Variants in JPH1 observed in about 807,000 individuals in gnomAD.
JPH1 encodes junctophilin 1, also known as junctophilin-1.
Under a neutral mutation model 53.6 loss-of-function variants are expected in JPH1, and 12 were observed. The ratio of observed to expected loss-of-function variants is 0.22; its 90% CI spans 0.14 to 0.36. The LOEUF is 0.36. Among genes scored for constraint, JPH1 ranks in the 10% least tolerant of loss-of-function variants. JPH1 has a pLI of 1.00. For missense variants in JPH1, 808 were observed against 905.5 expected (o/e 0.89, Z 1.38); for synonymous variants, 375 against 363.8 (o/e 1.03, Z -0.35).
intron 3 of JPH1, 122 bp downstream of exon 3, chr8:74,259,263 G>A (rs1325626623): frequency 1.4e-6 from 1 of 729,612 alleles, no homozygotes; most frequent in Non-Finnish European, 2.3e-6. Context: ...GCCCTTGCTT[G>A]TTTTGTATAA....
rs73689717 is a variant in JPH1, at chr8:74,299,395, T to A, written c.1139+15466A>T. On this transcript the variant is annotated intron_variant, in intron 2 of 5. Transcript: ENST00000342232. ...TGCACACCACGAACTATAACCTAAA[T>A]GGAGTTGTATACAGATTGTAGCTTA... is the stretch of plus-strand genomic sequence containing the variant. Among the ~76,000 whole-genome samples, 551 of 152,292 alleles carry A rather than the reference T, an allele frequency of 3.6e-3. 5 individuals carry two copies. The highest frequency in any genetic ancestry group is 0.013 in the African/African-American group (534 of 41,564).
At chr8:74,277,002 C>A (rs1372095296) in intron 2 of JPH1, among the ~76,000 whole-genome samples, 1 of 152,308 alleles carries the variant, frequency 6.6e-6, no homozygotes, top group South Asian at 2.1e-4. Context: ...TAGTTTTTCA[C>A]ATTATTTTAC....
At chr8:74,285,977 A>C (rs904861306) in intron 2 of JPH1, among the ~76,000 whole-genome samples, 29 of 152,222 alleles carry the variant, frequency 1.9e-4, no homozygotes, top group African/African-American at 6.5e-4. Context: ...TAAAATTTTG[A>C]ACCATGAACA....
chr8:74,294,083 G>A (rs1304087730), intron 2 of JPH1, among the ~76,000 whole-genome samples: 2 of 152,166 alleles, frequency 1.3e-5, no homozygotes, highest in African/African-American at 4.8e-5. Flanking sequence ...CTGGTGGTGG[G>A]GGAAAATCCT....
chr8:74,256,595 C>A (rs368647389), intron 3 of JPH1, among the ~76,000 whole-genome samples: 2 of 150,636 alleles, frequency 1.3e-5, no homozygotes, highest in Non-Finnish European at 3.0e-5. Context: ...AACAAGTGGG[C>A]GAAGGATATG....
At chr8:74,275,977 C>T (rs1206756045) in intron 2 of JPH1, among the ~76,000 whole-genome samples, 5 of 152,118 alleles carry the variant, frequency 3.3e-5, no homozygotes, top group East Asian at 1.9e-4. Context: ...AATTATGGTT[C>T]GAATTTGATT....
chr8:74,246,808 C>T (rs1196818864), intron 3 of JPH1, among the ~76,000 whole-genome samples: 1 of 152,192 alleles, frequency 6.6e-6, no homozygotes, highest in African/African-American at 2.4e-5. Context: ...TTGTCAAGAT[C>T]GCACATGGAC....
chr8:74,306,413 C>A (rs1383481756), intron 2 of JPH1, among the ~76,000 whole-genome samples: 2 of 152,156 alleles, frequency 1.3e-5, no homozygotes, highest in South Asian at 2.1e-4. Context: ...GGCACCCCCC[C>A]TTTCTCCCAT....
At chr8:74,256,093 G>A (rs1387941927) in intron 3 of JPH1, among the ~76,000 whole-genome samples, 9 of 152,098 alleles carry the variant, frequency 5.9e-5, no homozygotes, top group Non-Finnish European at 1.3e-4. Context: ...ACATGCACAC[G>A]TATGTTTATT....
In JPH1 at chr8:74,275,603, A is replaced by C. The variant is rs577381605; in HGVS notation, c.1140-16100T>G. On this transcript the variant is annotated intron_variant, in intron 2 of 5. Coordinates refer to ENST00000342232, the MANE Select transcript of JPH1 (RefSeq NM_020647.4). ...CTTAAAGCCAGCATGACAACGAAAA[A>C]TGTGAGCGGCTCTTTCACCGTAACT... 5.1e-4 allele frequency among the ~76,000 whole-genome samples: 78 copies of C among 152,322 alleles called. No individual in the cohort carries two copies. In the South Asian group the frequency reaches 0.016, roughly 31 times the overall value.
In JPH1 at chr8:74,260,125, C is replaced by T. The variant is rs567476304; in HGVS notation, c.1140-622G>A. ...CAGCAGGAGCAAACCACAAGGCCCG[C>T]TCTAAGAACATGCTCAGAAGGGTTC... is the stretch of plus-strand genomic sequence containing the variant. On this transcript the variant is annotated intron_variant, in intron 2 of 5. Coordinates refer to ENST00000342232, the MANE Select transcript of JPH1 (RefSeq NM_020647.4). Among the ~76,000 whole-genome samples the T allele has an allele frequency of 9.8e-5, 15 of 152,320 alleles. No homozygotes were observed. In the East Asian group the frequency reaches 2.7e-3, roughly 27 times the overall value.
chr8:74,247,690 A>C (rs962840508), intron 3 of JPH1, among the ~76,000 whole-genome samples: 16 of 152,186 alleles, frequency 1.1e-4, no homozygotes, highest in Non-Finnish European at 2.1e-4. Context: ...TTCACTTAGA[A>C]GATGTAAGAC....
intron 2 of JPH1, among the ~76,000 whole-genome samples, chr8:74,309,291 T>C (rs1807923243): frequency 1.3e-5 from 2 of 151,750 alleles, no homozygotes; most frequent in African/African-American, 4.9e-5. Flanking sequence ...AAATGGAAGT[T>C]ACCTACTAAC....
chr8:74,321,443 C>G lies in JPH1; in HGVS notation c.-156G>C, dbSNP rs561748750. 4 of 633,696 alleles carry G rather than the reference C, an allele frequency of 6.3e-6. No homozygotes were observed. Among genetic ancestry groups the G allele is most frequent in the East Asian group, 3.5e-5 (1 of 28,816 alleles). 39.3% of individuals were successfully genotyped at this position (633,696 alleles called of 1,614,324 possible). ...CGCTCGGCTCCAGTCCGACGCCGCC[C>G]CCGTCCTCCCTCCTCTTTTGCCGCC... On this transcript the variant is annotated 5_prime_UTR_variant, in exon 1 of 6. Transcript: ENST00000342232. The surrounding 1 kb of genome is among the most constrained non-coding windows in gnomAD (Gnocchi z 4.3).
Position 74,320,843 on chromosome 8 carries a change from C to T in JPH1, c.379+66G>A. ...GCGCCCGGCGTCCTCCCCGCTTCCC[C>T]GCAGCCGGGGCAGAGCCCACCGCAC... On this transcript the variant is annotated intron_variant, in intron 1 of 5. Transcript: ENST00000342232. This position sits in a 1 kb window ranked among gnomAD's most constrained non-coding sequence, Gnocchi z 4.4. 1 of 1,426,244 alleles carries T rather than the reference C, an allele frequency of 7.0e-7. No individual in the cohort carries two copies. The highest frequency in any genetic ancestry group is 2.8e-5 in the East Asian group (1 of 35,678). The allele number at this position is 1,426,244 out of a possible 1,614,324, so 88.3% of individuals were successfully genotyped here. A position where few individuals can be genotyped will look rare whatever the true frequency, so the allele number is the denominator to read the frequency against.
chr8:74,301,770 T>C (rs1439376670), intron 2 of JPH1, among the ~76,000 whole-genome samples: 2 of 152,232 alleles, frequency 1.3e-5, no homozygotes, highest in Non-Finnish European at 2.9e-5. Context: ...GAATTTACCA[T>C]GTTATACTGA....
intron 2 of JPH1, among the ~76,000 whole-genome samples, chr8:74,291,244 C>G (rs189123214): frequency 1.3e-5 from 2 of 152,160 alleles, no homozygotes. Context: ...TGACAAAGGG[C>G]TAATATCCAG....
At chr8:74,288,964 C>G (rs944819904) in intron 2 of JPH1, among the ~76,000 whole-genome samples, 1 of 152,128 alleles carries the variant, frequency 6.6e-6, no homozygotes, top group Non-Finnish European at 1.5e-5. Flanking sequence ...AAACTATGCC[C>G]TTCTTTTGTG....
chr8:74,271,596 C>T (rs914616226), intron 2 of JPH1, among the ~76,000 whole-genome samples: 4 of 152,208 alleles, frequency 2.6e-5, no homozygotes, highest in Non-Finnish European at 4.4e-5. Context: ...AGGCAGAGAA[C>T]CCTGTAGCCA....
Sources: allele counts gnomAD v4.1 joint callset (sites outside exome capture counted in the v4.1 genomes callset), GRCh38; gene constraint gnomAD v4.1.1; non-coding constraint Gnocchi (gnomAD v3.1); transcripts MANE v1.5; gene names NCBI Gene and HGNC (gene_info 2026-07-23, HGNC 2026-07-21).